Variants in TRDN observed in about 807,000 individuals in gnomAD.
TRDN encodes triadin in skeletal muscle.
In TRDN, 161 loss-of-function variants were observed where a neutral mutation model predicts 149.7. The observed-to-expected ratio is 1.08, with a 90% CI of 0.95 to 1.23. The LOEUF (loss-of-function observed/expected upper bound fraction) is 1.23. TRDN is among the 50% of genes most tolerant of loss of function. TRDN has a pLI of 0.00. For missense variants in TRDN, 896 were observed against 823.5 expected (o/e 1.09, Z -1.08); for synonymous variants, 294 against 250.5 (o/e 1.17, Z -1.64).
intron 9 of TRDN, among the ~76,000 whole-genome samples, chr6:123,480,629 G>A (rs1777707552): frequency 6.6e-6 from 1 of 151,994 alleles, no homozygotes; most frequent in Non-Finnish European, 1.5e-5. Context: ...TGAAAATCGA[G>A]TCACATTTAA....
intron 9 of TRDN, among the ~76,000 whole-genome samples, chr6:123,485,658 A>G (rs965828751): frequency 6.6e-6 from 1 of 152,148 alleles, no homozygotes; most frequent in African/African-American, 2.4e-5. Context: ...AAACACTTAA[A>G]TAATGCTTAT....
intron 12 of TRDN, among the ~76,000 whole-genome samples, chr6:123,433,568 T>C (rs549719070): frequency 6.6e-6 from 1 of 152,236 alleles, no homozygotes; most frequent in African/African-American, 2.4e-5. Context: ...TTTTTTCTAG[T>C]AGCTTATTTC....
intron 21 of TRDN, among the ~76,000 whole-genome samples, chr6:123,339,314 G>GT (rs997356876): frequency 2.0e-5 from 3 of 151,974 alleles, no homozygotes; most frequent in East Asian, 1.9e-4. Flanking sequence ...CATGTATTAG[G>GT]TTTTTTTGTT....
chr6:123,610,398 T>C (rs911909433), intron 1 of TRDN, among the ~76,000 whole-genome samples: 16 of 152,098 alleles, frequency 1.1e-4, no homozygotes, highest in African/African-American at 3.9e-4. Flanking sequence ...GAGCTTTGAG[T>C]TACTGATGAC....
At chr6:123,263,676 C>T (rs1016847888) in intron 33 of TRDN, among the ~76,000 whole-genome samples, 16 of 151,946 alleles carry the variant, frequency 1.1e-4, no homozygotes, top group African/African-American at 3.1e-4. Context: ...TAAAAGAAGA[C>T]GTCATCTAGA....
rs367597217 is a variant in TRDN at position 123,625,167 on chromosome 6, C to T, written c.22+11587G>A. On this transcript the variant is annotated intron_variant, in intron 1 of 40. Transcript: ENST00000334268. ...CTTCACAATAATGTCATGTGCACTG[C>T]GAATTACCAGTGTTAAGAATAGGAC... Among the ~76,000 whole-genome samples the T allele has an allele frequency of 6.6e-5, 10 of 151,634 alleles. No individual in the cohort carries two copies. In the East Asian group the frequency reaches 7.8e-4, roughly 12 times the overall value.
chr6:123,499,719 A>AAAAAAAAAAAAAAAAAAAAAAT, intron 8 of TRDN, among the ~76,000 whole-genome samples: 2 of 47,684 alleles, frequency 4.2e-5, no homozygotes, highest in Non-Finnish European at 9.0e-5. Context: ...AAAAAAAAAA[A>AAAAAAAAAAAAAAAAAAAAAAT]ATATATATAT....
At chr6:123,521,883 G>A (rs1001335543) in intron 5 of TRDN, among the ~76,000 whole-genome samples, 4 of 152,030 alleles carry the variant, frequency 2.6e-5, no homozygotes, top group Non-Finnish European at 5.9e-5. Context: ...TACTACACGT[G>A]GTATAATTGT....
rs536177351 is a variant in TRDN, at chr6:123,492,566, A to G, written c.853+4627T>C. 7.2e-5 allele frequency among the ~76,000 whole-genome samples: 11 copies of G among 152,232 alleles called. No homozygotes were observed. In the South Asian group the frequency reaches 8.3e-4, roughly 11 times the overall value. On this transcript the variant is annotated intron_variant, in intron 9 of 40. Transcript: ENST00000334268. The stretch of plus-strand genomic sequence containing the variant: ...TATGAAAATGCCAAGCAAGATCCTG[A>G]TGTGTTTTCTTAAAAATAGTCTACC...
chr6:123,521,012 AAT>A (rs1400045005), intron 5 of TRDN, among the ~76,000 whole-genome samples: 4 of 152,170 alleles, frequency 2.6e-5, no homozygotes, highest in African/African-American at 9.6e-5. Flanking sequence ...AGGATATTTA[AAT>A]ATATTTTAAT....
chr6:123,516,556 G>A (rs940677881), intron 5 of TRDN, among the ~76,000 whole-genome samples: 1 of 152,008 alleles, frequency 6.6e-6, no homozygotes, highest in African/African-American at 2.4e-5. Context: ...TTGGATGAAT[G>A]CTTGAAATAT....
At chr6:123,314,403 G>A (rs764072754) in intron 24 of TRDN, among the ~76,000 whole-genome samples, 185 of 152,124 alleles carry the variant, frequency 1.2e-3, no homozygotes, top group Non-Finnish European at 1.9e-3. Context: ...TGGTGGGACT[G>A]TAAATTAGTT....
chr6:123,463,273 C>A (rs1355946282), intron 10 of TRDN, among the ~76,000 whole-genome samples: 1 of 151,170 alleles, frequency 6.6e-6, no homozygotes, highest in African/African-American at 2.4e-5. Flanking sequence ...GGAGGCGGAG[C>A]TTGCAGTGAG....
At chr6:123,455,020 T>C (rs570415719) in intron 10 of TRDN, among the ~76,000 whole-genome samples, 2 of 152,160 alleles carry the variant, frequency 1.3e-5, no homozygotes, top group Non-Finnish European at 2.9e-5. Context: ...ATATACTCTG[T>C]GAAAAACTTT....
rs1562252192 is a variant in TRDN at position 123,301,756 on chromosome 6, T to TATATATATATAC, written c.1510+14700_1510+14701insGTATATATATAT. 8.4e-4 allele frequency among the ~76,000 whole-genome samples: 60 copies of TATATATATATAC among 71,572 alleles called. 1 individual carries two copies. The highest frequency in any genetic ancestry group is 2.3e-3 in the African/African-American group (57 of 24,338). 47.0% of individuals were successfully genotyped at this position (71,572 alleles called of 152,430 possible). A position where few individuals can be genotyped will look rare whatever the true frequency, so the allele number is the denominator to read the frequency against. On this transcript the variant is annotated intron_variant, in intron 24 of 40. Transcript: ENST00000334268. ...ATGTATGTATGTATATATATACATA[T>TATATATATATAC]ATATATATATATACATATATATATA...
intron 22 of TRDN, among the ~76,000 whole-genome samples, chr6:123,335,115 A>G (rs1779813818): frequency 6.6e-6 from 1 of 151,956 alleles, no homozygotes; most frequent in South Asian, 2.1e-4. Flanking sequence ...CTAAAATCTT[A>G]TAGGTAATAT....
chr6:123,352,321 T>C (rs919430010), intron 21 of TRDN: 1 of 985,020 alleles, frequency 1.0e-6, no homozygotes, highest in African/African-American at 1.7e-5. Context: ...GGAGTTTCCC[T>C]GTTCGGAACT....
intron 38 of TRDN, among the ~76,000 whole-genome samples, chr6:123,236,455 T>C (rs1775790738): frequency 6.6e-6 from 1 of 152,208 alleles, no homozygotes; most frequent in African/African-American, 2.4e-5. Context: ...AATTTTGAGA[T>C]GGTATACAAT....
At chr6:123,535,443 T>A (rs549314812) in intron 4 of TRDN, among the ~76,000 whole-genome samples, 1 of 152,128 alleles carries the variant, frequency 6.6e-6, no homozygotes, top group Non-Finnish European at 1.5e-5. Context: ...TGAGTGAAGA[T>A]AAGGGAGGAA....
Sources: allele counts gnomAD v4.1 joint callset (sites outside exome capture counted in the v4.1 genomes callset), GRCh38; gene constraint gnomAD v4.1.1; transcripts MANE v1.5; gene names NCBI Gene and HGNC (gene_info 2026-07-23, HGNC 2026-07-21).